Variants in TET3 observed in about 807,000 individuals in gnomAD.
The protein encoded by TET3 is methylcytosine dioxygenase TET3.
In TET3, 19 loss-of-function variants were observed where a neutral mutation model predicts 141.4. The observed-to-expected ratio is 0.13, with a 90% confidence interval of 0.09 to 0.20. The LOEUF is 0.20. Among genes scored for constraint, TET3 ranks in the 10% least tolerant of loss-of-function variants. The pLI is 1.00. For missense variants in TET3, 1,874 were observed against 2,356.9 expected, an observed-to-expected ratio of 0.80 and a Z score of 4.24; for synonymous variants, 1,043 against 980.9, an observed-to-expected ratio of 1.06 and a Z score of -1.18.
chr2:74,103,775 A>C lies in TET3; in HGVS notation c.*1599A>C, dbSNP rs908951748. Reference sequence around the variant, plus strand: ...ATATTAGCAGAAATGATCTCATGCTAGCCATGTGGATGTGTGTGTGGTGAA... The same window carrying C: ...ATATTAGCAGAAATGATCTCATGCTCGCCATGTGGATGTGTGTGTGGTGAA... On this transcript the variant is annotated 3_prime_UTR_variant, in exon 12 of 12. Transcript: ENST00000409262. 2.6e-5 allele frequency: 4 copies of C among 153,730 alleles called. No homozygotes were observed. Among genetic ancestry groups the C allele is most frequent in the African/African-American group, 7.2e-5 (3 of 41,444 alleles). 9.5% of individuals were successfully genotyped at this position (153,730 alleles called of 1,614,324 possible).
the TET3 span, chr2:74,134,412 CG>C: frequency 3.6e-6 from 1 of 278,758 alleles, no homozygotes; most frequent in Non-Finnish European, 7.2e-6. Flanking sequence ...AATTACAAAA[CG>C]GGGGCACAAT....
In TET3 at chr2:74,107,296, C is replaced by A. The variant is rs1431871250; in HGVS notation, c.*5120C>A. On this transcript the variant is annotated 3_prime_UTR_variant, in exon 12 of 12. Transcript: ENST00000409262. ...GAGCAGAGACCGCAGCACAGAAATG[C>A]AAGGTCTAAAGTTGCTTTTTGCCTA... The A allele has an allele frequency of 6.6e-6, 1 of 152,264 alleles. No individual in the cohort carries two copies. Among genetic ancestry groups the A allele is most frequent in the African/African-American group, 2.4e-5 (1 of 41,470 alleles). 9.4% of individuals were successfully genotyped at this position (152,264 alleles called of 1,614,324 possible).
intron 3 of TET3, among the ~76,000 whole-genome samples, chr2:74,026,212 GAGAGGGACTTT>G (rs1686347924): frequency 1.3e-5 from 2 of 152,088 alleles, no homozygotes; most frequent in African/African-American, 4.8e-5. Flanking sequence ...GCTGGGGGGA[GAGAGGGACTTT>G]GACACTGGTC....
At chr2:74,132,535 A>G in the TET3 span, among the ~76,000 whole-genome samples, 1 of 152,092 alleles carries the variant, frequency 6.6e-6, no homozygotes, top group Non-Finnish European at 1.5e-5. Context: ...CTACAGGTGC[A>G]TGTCACCACA....
the TET3 span, among the ~76,000 whole-genome samples, chr2:74,118,405 T>C: frequency 8.1e-4 from 124 of 152,312 alleles, 1 homozygote; most frequent in African/African-American, 2.9e-3. Flanking sequence ...AAAAAGACAA[T>C]TGAAACTTAC....
intron 4 of TET3, among the ~76,000 whole-genome samples, chr2:74,066,768 G>C (rs1011364028): frequency 1.3e-5 from 2 of 152,136 alleles, no homozygotes; most frequent in Non-Finnish European, 2.9e-5. Flanking sequence ...TTGTTTTCCA[G>C]CTATTGGGAT....
In TET3 at chr2:74,087,920, C is replaced by T. The variant is rs2104066049; in HGVS notation, c.2770C>T (p.Leu924Phe). The T allele has an allele frequency of 6.4e-7, 1 of 1,552,322 alleles. No homozygotes were observed. Among genetic ancestry groups the T allele is most frequent in the Non-Finnish European group, 8.7e-7 (1 of 1,147,348 alleles). The part of the protein sequence containing the change: ...HHCQNAVIVI[L>F]ILAWEGIPRS... ...CTGCCAGAACGCTGTGATCGTCATC[C>T]TCATCCTGGCCTGGGAGGGCATTCC... Residue 924 changes from leucine to phenylalanine, a missense_variant, in exon 7 of 12, where the codon CTC becomes TTC. Around this residue, in one of 10 missense-constraint regions of TET3, gnomAD observed 126 missense variants for 327.4 expected, o/e 0.38. Transcript: ENST00000409262. This position sits in a 1 kb window ranked among gnomAD's most constrained non-coding sequence, Gnocchi z 4.3.
chr2:73,985,435 G>A (rs1683967396), intron 1 of TET3, among the ~76,000 whole-genome samples: 1 of 144,516 alleles, frequency 6.9e-6, no homozygotes. Context: ...CCCGGCCCGC[G>A]GCTCGAGCGC....
In TET3 at chr2:74,105,214, T is replaced by C. The variant is rs904237441; in HGVS notation, c.*3038T>C. The C allele has an allele frequency of 1.3e-5, 5 of 398,446 alleles. No individual in the cohort carries two copies. The highest frequency in any genetic ancestry group is 8.8e-6 in the Non-Finnish European group (2 of 226,070). 24.7% of individuals were successfully genotyped at this position (398,446 alleles called of 1,614,324 possible). A position where few individuals can be genotyped will look rare whatever the true frequency, so the allele number is the denominator to read the frequency against. On this transcript the variant is annotated 3_prime_UTR_variant, in exon 12 of 12. Coordinates refer to ENST00000409262, the MANE Select transcript of TET3 (RefSeq NM_001287491.2). The stretch of plus-strand genomic sequence containing the variant: ...CAGCATGACCAAGTTCGAAGAGTCA[T>C]ATTATAGCAACGGAAATCGATGGCG...
intron 6 of TET3, among the ~76,000 whole-genome samples, chr2:74,081,183 G>A (rs1445774299): frequency 1.3e-5 from 2 of 152,214 alleles, no homozygotes; most frequent in Non-Finnish European, 2.9e-5. Flanking sequence ...TTCACAGGGA[G>A]AACATCAGTG....
At chr2:74,098,895 T>C (rs573718111) in intron 10 of TET3, among the ~76,000 whole-genome samples, 19 of 152,274 alleles carry the variant, frequency 1.2e-4, no homozygotes, top group Non-Finnish European at 2.6e-4. Context: ...GCTGAGTGTT[T>C]AGAACAAGGA....
rs749033735 is a variant in TET3, at chr2:74,100,506, T to C, written c.3718T>C (p.Tyr1240His). 3 of 1,606,166 alleles carry C rather than the reference T, an allele frequency of 1.9e-6. No homozygotes were observed. The highest frequency in any genetic ancestry group is 1.7e-5 in the Admixed American group (1 of 58,886). The stretch of plus-strand genomic sequence containing the variant: ...CAGCGGCAACGCGGTGGTGGAGAGC[T>C]ACTCGGTGCTGGGCAACTGCCGGCC... The part of the protein sequence containing the change: ...KYSGNAVVES[Y>H]SVLGNCRPSD... The change falls in exon 12 of 12, where the codon TAC becomes CAC. Residue 1240 changes from tyrosine (Y) to histidine (H), a missense_variant. By Grantham distance (83) the Tyr-to-His change is moderately conservative. Transcript: ENST00000409262.
At chr2:74,110,457 G>A (rs6758220), downstream of TET3, among the ~76,000 whole-genome samples, 97,441 of 151,890 alleles carry the variant, frequency 0.64, 31,781 homozygotes, top group Non-Finnish European at 0.71. Context: ...GGCATTCAAC[G>A]TCCCATGTCC....
At chr2:74,039,348 C>T (rs148284490) in intron 3 of TET3, among the ~76,000 whole-genome samples, 2 of 152,310 alleles carry the variant, frequency 1.3e-5, no homozygotes, top group African/African-American at 2.4e-5. Context: ...ATAAAACCTT[C>T]CTGGACACCC....
chr2:74,097,336 T>C (rs1690911897), intron 10 of TET3, among the ~76,000 whole-genome samples: 1 of 152,106 alleles, frequency 6.6e-6, no homozygotes, highest in African/African-American at 2.4e-5. Flanking sequence ...ATTATAACTT[T>C]AATATGCAAA....
rs200739674 is a variant in TET3, at chr2:74,101,396, G to A, written c.4608G>A (p.Ala1536=). Residue 1536 remains alanine, a synonymous_variant, in exon 12 of 12, where the codon GCG becomes GCA. Coordinates refer to ENST00000409262, the MANE Select transcript of TET3 (RefSeq NM_001287491.2). This position sits in a 1 kb window ranked among gnomAD's most constrained non-coding sequence, Gnocchi z 8.5. ...CCAGCCTGACTGAGAAGCCGTGGGCGCTGGGGGCAGGGGATTTCAACTCGG... is the reference window on the plus strand; with the variant it reads ...CCAGCCTGACTGAGAAGCCGTGGGCACTGGGGGCAGGGGATTTCAACTCGG... ...AGPSLTEKPW[A]LGAGDFNSAL... 3,059 of 1,613,826 alleles carry A rather than the reference G, an allele frequency of 1.9e-3. 4 individuals carry two copies. Among genetic ancestry groups the A allele is most frequent in the Non-Finnish European group, 2.5e-3 (2,933 of 1,179,880 alleles).
chr2:74,052,023 A>T (rs2103738537), intron 4 of TET3, among the ~76,000 whole-genome samples: 1 of 152,360 alleles, frequency 6.6e-6, no homozygotes, highest in Non-Finnish European at 1.5e-5. Context: ...TCTGTTGCCC[A>T]TGCTGGAGTG....
intron 2 of TET3, chr2:74,002,784 C>T (rs1573657984): frequency 5.3e-6 from 3 of 565,884 alleles, no homozygotes; most frequent in Non-Finnish European, 3.1e-6. Context: ...GCCGATGCAC[C>T]AGAGGAGGCC....
At chr2:74,057,613 G>C (rs1255275277) in intron 4 of TET3, among the ~76,000 whole-genome samples, 1 of 152,158 alleles carries the variant, frequency 6.6e-6, no homozygotes, top group African/African-American at 2.4e-5. Context: ...TCCCCCAGGG[G>C]ACATTTGGCA....
Sources: gnomAD v4.1 joint callset for allele counts (sites outside exome capture counted in the v4.1 genomes callset) on GRCh38, gnomAD v4.1.1 for gene constraint, gnomAD v4.1.1 regional missense constraint, Gnocchi (gnomAD v3.1) non-coding constraint, MANE v1.5 for transcripts, NCBI Gene and HGNC (gene_info 2026-07-23, HGNC 2026-07-21) for gene names.